TMC7: variants seen among roughly 807,000 people sequenced by gnomAD.
TMC7 encodes transmembrane channel-like protein 7.
In TMC7, 54 loss-of-function variants were observed where a neutral mutation model predicts 82.9. The observed-to-expected ratio is 0.65, with a 90% CI of 0.52 to 0.82. The LOEUF (loss-of-function observed/expected upper bound fraction) is 0.82, where lower values mean the gene tolerates loss of function less well. TMC7 is among the 40% of genes least tolerant of loss of function. The pLI, the probability that TMC7 is intolerant of heterozygous loss-of-function variation, is 0.00. For missense variants in TMC7, 820 were observed against 901.2 expected (o/e 0.91, Z 1.15); for synonymous variants, 350 against 337.9 (o/e 1.04, Z -0.39).
chr16:19,009,354 A>G lies in TMC7; in HGVS notation c.250A>G (p.Asn84Asp). The stretch of plus-strand genomic sequence containing the variant: ...CCAGCTGGAGGACAGAATCGCTGAA[A>G]ACCTCAGCAGCCATTCTCTTCGAAA... ...SSQLEDRIAENLSSHSLRNYA... is the reference protein window; with the variant it reads ...SSQLEDRIAEDLSSHSLRNYA... Residue 84 changes from asparagine (N) to aspartate (D), a missense_variant, in exon 2 of 16, where the codon AAC becomes GAC. Asn to Asp is a conservative substitution (Grantham distance 23). This residue lies in a region of TMC7 where 650 missense variants were observed against 669.9 expected (regional missense o/e 0.97). Coordinates refer to ENST00000304381, the MANE Select transcript of TMC7 (RefSeq NM_024847.4). 1 of 1,614,194 alleles carries G rather than the reference A, an allele frequency of 6.2e-7. No homozygotes were observed. The highest frequency in any genetic ancestry group is 8.5e-7 in the Non-Finnish European group (1 of 1,180,036).
At chr16:19,041,473 C>T (rs1331081906) in intron 9 of TMC7, among the ~76,000 whole-genome samples, 1 of 151,976 alleles carries the variant, frequency 6.6e-6, no homozygotes. Context: ...TCAAGCGATT[C>T]TCCTGCCTCA....
intron 12 of TMC7, among the ~76,000 whole-genome samples, chr16:19,050,781 G>A (rs1347847830): frequency 2.6e-5 from 4 of 152,118 alleles, no homozygotes; most frequent in Non-Finnish European, 5.9e-5. Flanking sequence ...GATTACAGGC[G>A]TGAGCCACCA....
chr16:19,059,446 TG>T lies in TMC7; in HGVS notation c.2060del (p.Gly687GlufsTer24). ...LIMFYFIALAGAHKRVVIQLR... is the reference protein window; with the variant it reads ...LIMFYFIALAXAHKRVVIQLR... Reference sequence around the variant, plus strand: ...TCATGTTTTACTTCATTGCCTTAGCTGGAGCACACAAACGGGTGGTCATCCA... The same window carrying T: ...TCATGTTTTACTTCATTGCCTTAGCTGAGCACACAAACGGGTGGTCATCCA... On this transcript the variant is annotated frameshift_variant, in exon 15 of 16. Transcript: ENST00000304381. LOFTEE classifies it high-confidence loss of function. 1 of 1,614,104 alleles carries T rather than the reference TG, an allele frequency of 6.2e-7. No individual in the cohort carries two copies. The highest frequency in any genetic ancestry group is 8.5e-7 in the Non-Finnish European group (1 of 1,180,024).
In TMC7 at chr16:19,001,173, G is replaced by A. The variant is rs558140360; in HGVS notation, c.68-7999G>A. Among the ~76,000 whole-genome samples, 10 of 152,122 alleles carry A rather than the reference G, an allele frequency of 6.6e-5. No homozygotes were observed. In the East Asian group the frequency reaches 7.7e-4, roughly 12 times the overall value. On this transcript the variant is annotated intron_variant, in intron 1 of 15. Coordinates refer to ENST00000304381, the MANE Select transcript of TMC7 (RefSeq NM_024847.4). ...TGGTATGTAAAGTACTTTGGTTGGC[G>A]TGGTGGGTGATCTAACCTATCTTGT... is the stretch of plus-strand genomic sequence containing the variant.
chr16:19,036,715 A>G (rs1380512950), intron 7 of TMC7, among the ~76,000 whole-genome samples: 1 of 147,038 alleles, frequency 6.8e-6, no homozygotes, highest in Non-Finnish European at 1.5e-5. Flanking sequence ...ACTCCATCTC[A>G]AAAAAAAAAA....
At chr16:18,991,240 G>T (rs2038945765) in intron 1 of TMC7, among the ~76,000 whole-genome samples, 1 of 152,140 alleles carries the variant, frequency 6.6e-6, no homozygotes, top group South Asian at 2.1e-4. Flanking sequence ...ATATGGTTTT[G>T]TATGAATTGA....
intron 13 of TMC7, 82 bp downstream of exon 13, chr16:19,051,898 ATT>A (rs200146213): frequency 3.7e-3 from 4,796 of 1,281,870 alleles, no homozygotes; most frequent in South Asian, 7.7e-3. Context: ...GTCATATCAC[ATT>A]TTTTTTTTTT....
At chr16:19,031,833 C>G (rs1960529807) in intron 6 of TMC7, among the ~76,000 whole-genome samples, 1 of 152,144 alleles carries the variant, frequency 6.6e-6, no homozygotes, top group Non-Finnish European at 1.5e-5. Context: ...TTCGAAGGTC[C>G]TGCCAAGGGA....
intron 1 of TMC7, 72 bp from the exon 2 acceptor site, chr16:19,009,100 C>T (rs2039290889): frequency 1.3e-6 from 2 of 1,548,652 alleles, no homozygotes; most frequent in Non-Finnish European, 1.7e-6. Flanking sequence ...GTGATGATGT[C>T]CAAGATCCAA....
intron 1 of TMC7, among the ~76,000 whole-genome samples, chr16:18,999,487 C>T: frequency 6.6e-6 from 1 of 152,230 alleles, no homozygotes; most frequent in South Asian, 2.1e-4. Context: ...TGTTTAATGT[C>T]TGTCTCCTCC....
chr16:18,989,607 T>TA (rs2038912475), intron 1 of TMC7, among the ~76,000 whole-genome samples: 1 of 139,270 alleles, frequency 7.2e-6, no homozygotes, highest in African/African-American at 2.6e-5. Context: ...GATCACCACA[T>TA]ACCAGGCCCT....
intron 11 of TMC7, among the ~76,000 whole-genome samples, 192 bp from the exon 12 acceptor site, chr16:19,046,871 G>C (rs1253568474): frequency 6.6e-6 from 1 of 151,334 alleles, no homozygotes; most frequent in Non-Finnish European, 1.5e-5. Flanking sequence ...ATGAATTTCA[G>C]TGCTGAACTA....
chr16:19,016,169 T>C (rs1328790567), intron 2 of TMC7, among the ~76,000 whole-genome samples: 8 of 152,070 alleles, frequency 5.3e-5, no homozygotes, highest in Non-Finnish European at 1.2e-4. Context: ...CCATCTCGGC[T>C]CACCGCAACC....
chr16:19,046,844 A>C (rs1961295664), intron 11 of TMC7, among the ~76,000 whole-genome samples: 1 of 152,088 alleles, frequency 6.6e-6, no homozygotes, highest in African/African-American at 2.4e-5. Flanking sequence ...AAAAAAAAAA[A>C]AAAAGTCAAG....
At chr16:19,033,577 G>A (rs4602025) in intron 6 of TMC7, 129,957 of 152,170 alleles carry the variant, frequency 0.85, 57,615 homozygotes, top group Non-Finnish European at 0.96. Flanking sequence ...TGAGCTATGC[G>A]GGAGGCTGAG....
At chr16:19,002,617 T>C (rs979390502) in intron 1 of TMC7, among the ~76,000 whole-genome samples, 2 of 152,184 alleles carry the variant, frequency 1.3e-5, no homozygotes, top group Non-Finnish European at 2.9e-5. Flanking sequence ...GAATAGTATA[T>C]GGCAGAAAAA....
chr16:19,004,430 T>C (rs2039199029), intron 1 of TMC7, among the ~76,000 whole-genome samples: 1 of 152,188 alleles, frequency 6.6e-6, no homozygotes, highest in South Asian at 2.1e-4. Context: ...AGTGGCGTGA[T>C]CTCGGCTCAC....
rs1596807595 is a variant in TMC7 at position 19,062,044 on chromosome 16, A to C, written c.*201A>C. ...TCAGTGACTTAGAAAAGCAGGGGAA[A>C]CCCAAGGCTTTGCCTGCAGACCGGC... On this transcript the variant is annotated 3_prime_UTR_variant, in exon 16 of 16. Coordinates refer to ENST00000304381, the MANE Select transcript of TMC7 (RefSeq NM_024847.4). 1 of 422,618 alleles carries C rather than the reference A, an allele frequency of 2.4e-6. No homozygotes were observed. Among genetic ancestry groups the C allele is most frequent in the Non-Finnish European group, 4.2e-6 (1 of 239,860 alleles). The allele number at this position is 422,618 out of a possible 1,614,324, so 26.2% of individuals were successfully genotyped here. A position where few individuals can be genotyped will look rare whatever the true frequency, so the allele number is the denominator to read the frequency against.
In TMC7 at chr16:19,062,258, T is replaced by G. The variant is rs1962039343; in HGVS notation, c.*415T>G. The G allele has an allele frequency of 6.1e-6, 1 of 164,288 alleles. No homozygotes were observed. The highest frequency in any genetic ancestry group is 1.3e-5 in the Non-Finnish European group (1 of 76,438). 10.2% of individuals were successfully genotyped at this position (164,288 alleles called of 1,614,324 possible). On this transcript the variant is annotated 3_prime_UTR_variant, in exon 16 of 16. Transcript: ENST00000304381. ...ATAACAAACAGAATTGGAGGCTGGT[T>G]TCTTAAACACACACGTCCACATTTT...
Sources: gnomAD v4.1 joint callset for allele counts (sites outside exome capture counted in the v4.1 genomes callset) on GRCh38, gnomAD v4.1.1 for gene constraint, gnomAD v4.1.1 regional missense constraint, MANE v1.5 for transcripts, NCBI Gene and HGNC (gene_info 2026-07-23, HGNC 2026-07-21) for gene names.